KLF12: variants seen among roughly 807,000 people sequenced by gnomAD.
KLF12 encodes the protein KLF transcription factor 12.
In KLF12, 9 loss-of-function variants were observed where a neutral mutation model predicts 37.8. The observed-to-expected ratio is 0.24, with a 90% CI of 0.14 to 0.42. KLF12 has a LOEUF of 0.42. KLF12 is among the 10% of genes least tolerant of loss of function. The pLI, the probability that KLF12 is intolerant of heterozygous loss-of-function variation, is 1.00. For missense variants in KLF12, 411 were observed against 516.0 expected (o/e 0.80, Z 1.97); for synonymous variants, 208 against 202.1 (o/e 1.03, Z -0.25).
At chr13:73,771,265 G>A (rs886122098) in intron 5 of KLF12, among the ~76,000 whole-genome samples, 2 of 152,156 alleles carry the variant, frequency 1.3e-5, no homozygotes, top group Non-Finnish European at 2.9e-5. Flanking sequence ...CAGGGGACAA[G>A]GGAACTTTTC....
intron 1 of KLF12, among the ~76,000 whole-genome samples, chr13:74,019,695 G>A (rs1043866328): frequency 6.6e-6 from 1 of 152,084 alleles, no homozygotes; most frequent in Non-Finnish European, 1.5e-5. Context: ...CAATTTTAAC[G>A]TTTTTAAGAG....
chr13:74,143,827 C>A, the KLF12 span, among the ~76,000 whole-genome samples: 1 of 152,204 alleles, frequency 6.6e-6, no homozygotes, highest in Non-Finnish European at 1.5e-5. Context: ...ATATTCAACA[C>A]TGTATTTTAA....
chr13:74,101,503 A>G (rs1876341694), intron 1 of KLF12, among the ~76,000 whole-genome samples: 1 of 152,098 alleles, frequency 6.6e-6, no homozygotes, highest in African/African-American at 2.4e-5. Context: ...CAGAAAGCTA[A>G]GATTATAGTT....
At chr13:73,730,328 C>G (rs1876975104) in intron 6 of KLF12, among the ~76,000 whole-genome samples, 1 of 152,166 alleles carries the variant, frequency 6.6e-6, no homozygotes, top group South Asian at 2.1e-4. Context: ...CAGCTTCATT[C>G]CTTTGGCAAA....
the KLF12 span, among the ~76,000 whole-genome samples, chr13:74,176,127 C>T: frequency 6.6e-6 from 1 of 152,086 alleles, no homozygotes. Flanking sequence ...ATACAATTTC[C>T]CTTAGCCATT....
At chr13:74,032,399 CACTTT>C (rs1329457448) in intron 1 of KLF12, among the ~76,000 whole-genome samples, 3 of 152,138 alleles carry the variant, frequency 2.0e-5, no homozygotes, top group Admixed American at 6.6e-5. Flanking sequence ...AGTCTGGTCT[CACTTT>C]ACTTTAATTC....
At chr13:74,266,465 C>T in the KLF12 span, among the ~76,000 whole-genome samples, 12 of 152,160 alleles carry the variant, frequency 7.9e-5, no homozygotes, top group East Asian at 1.9e-4. Context: ...CATGCATCCA[C>T]GTGCACATAT....
chr13:73,873,080 A>G (rs1394007402), intron 3 of KLF12, among the ~76,000 whole-genome samples: 1 of 152,060 alleles, frequency 6.6e-6, no homozygotes, highest in Non-Finnish European at 1.5e-5. Flanking sequence ...TGCATTGACC[A>G]TTTCACCTTC....
intron 1 of KLF12, among the ~76,000 whole-genome samples, chr13:74,002,675 T>C (rs1314249141): frequency 2.0e-5 from 3 of 150,814 alleles, no homozygotes; most frequent in Admixed American, 1.3e-4. Flanking sequence ...GTCTGACTCT[T>C]ACTATAAGAA....
At chr13:73,909,933 T>C (rs758960710) in intron 3 of KLF12, among the ~76,000 whole-genome samples, 3 of 152,176 alleles carry the variant, frequency 2.0e-5, no homozygotes, top group Non-Finnish European at 4.4e-5. Flanking sequence ...CATTTCTATA[T>C]AATTTATAAA....
intron 1 of KLF12, among the ~76,000 whole-genome samples, chr13:74,120,881 A>C (rs1877589121): frequency 1.4e-5 from 2 of 146,924 alleles, no homozygotes; most frequent in Admixed American, 1.7e-4. Flanking sequence ...CAAACAGATT[A>C]ACTAATAAGC....
At chr13:73,962,115 C>T in intron 2 of KLF12, 1 of 416,848 alleles carries the variant, frequency 2.4e-6, no homozygotes, top group South Asian at 1.8e-5. Flanking sequence ...GTGGTACATC[C>T]AGACAATGGA....
intron 3 of KLF12, among the ~76,000 whole-genome samples, chr13:73,869,410 T>C (rs1886352543): frequency 6.6e-6 from 1 of 152,136 alleles, no homozygotes; most frequent in African/African-American, 2.4e-5. Flanking sequence ...ACATGTAAGT[T>C]TATATGATTG....
the KLF12 span, among the ~76,000 whole-genome samples, chr13:74,254,109 G>A: frequency 6.6e-6 from 1 of 152,044 alleles, no homozygotes; most frequent in Non-Finnish European, 1.5e-5. Context: ...ATAATTATAT[G>A]CATTCCATAT....
At chr13:73,712,868 T>C (rs1024455517) in intron 7 of KLF12, among the ~76,000 whole-genome samples, 2 of 152,218 alleles carry the variant, frequency 1.3e-5, no homozygotes, top group African/African-American at 4.8e-5. Context: ...TTTTAGACAA[T>C]GCTATTGCAC....
chr13:74,270,654 TG>T, the KLF12 span, among the ~76,000 whole-genome samples: 1 of 152,228 alleles, frequency 6.6e-6, no homozygotes, highest in Non-Finnish European at 1.5e-5. Flanking sequence ...CATAACACTT[TG>T]CTGAGTTCTG....
the KLF12 span, among the ~76,000 whole-genome samples, chr13:74,285,845 G>T: frequency 6.6e-6 from 1 of 152,140 alleles, no homozygotes; most frequent in Non-Finnish European, 1.5e-5. Flanking sequence ...CTCTAAAAGA[G>T]GTATAAGCAT....
intron 5 of KLF12, among the ~76,000 whole-genome samples, chr13:73,773,401 C>T (rs948669139): frequency 6.6e-6 from 1 of 152,192 alleles, no homozygotes; most frequent in African/African-American, 2.4e-5. Flanking sequence ...AGTGTCTCCA[C>T]CCTTTCTTCG....
At chr13:73,702,729 C>T (rs921767834) in intron 7 of KLF12, among the ~76,000 whole-genome samples, 5 of 152,076 alleles carry the variant, frequency 3.3e-5, no homozygotes, top group South Asian at 2.1e-4. Flanking sequence ...CAAGGCTCAA[C>T]GTATTTGCTG....
Sources: gnomAD v4.1 joint callset for allele counts (sites outside exome capture counted in the v4.1 genomes callset) on GRCh38, gnomAD v4.1.1 for gene constraint, MANE v1.5 for transcripts, NCBI Gene and HGNC (gene_info 2026-07-23, HGNC 2026-07-21) for gene names.